Variants in XRCC4 observed in about 807,000 individuals in gnomAD.
XRCC4 encodes the protein DNA repair protein XRCC4.
A neutral mutation model predicts 39.1 loss-of-function variants in XRCC4; 28 were observed. The ratio of observed to expected loss-of-function variants is 0.72; its 90% confidence interval spans 0.53 to 0.98. XRCC4 has a LOEUF of 0.98. Ranked by LOEUF, XRCC4 falls within the 50% of genes least tolerant of loss-of-function variation. The probability of loss-of-function intolerance (pLI) is 0.00; values close to 1 mark genes in which losing one functional copy is unlikely to be tolerated. For synonymous variants in XRCC4, 123 were observed against 126.4 expected, an observed-to-expected ratio of 0.97 and a Z score of 0.18; for missense variants, 350 against 376.4, an observed-to-expected ratio of 0.93 and a Z score of 0.58.
the XRCC4 span, among the ~76,000 whole-genome samples, chr5:83,367,128 C>T: frequency 6.6e-6 from 1 of 152,144 alleles, no homozygotes; most frequent in African/African-American, 2.4e-5. Context: ...TCTAAATCTA[C>T]ATTACTGATT....
intron 7 of XRCC4, among the ~76,000 whole-genome samples, chr5:83,261,242 T>C (rs1231890950): frequency 6.6e-6 from 1 of 152,026 alleles, no homozygotes; most frequent in Non-Finnish European, 1.5e-5. Context: ...CAATTACTAA[T>C]GGCTAGCCCT....
downstream of XRCC4, among the ~76,000 whole-genome samples, chr5:83,356,074 T>G (rs748642327): frequency 6.8e-6 from 1 of 148,040 alleles, no homozygotes; most frequent in Non-Finnish European, 1.5e-5. Context: ...ATTTGATGGC[T>G]TATATGCAAA....
intron 7 of XRCC4, among the ~76,000 whole-genome samples, chr5:83,299,034 C>G (rs1185126033): frequency 6.6e-6 from 1 of 151,336 alleles, no homozygotes; most frequent in Non-Finnish European, 1.5e-5. Flanking sequence ...TTTTTTTTCT[C>G]CTTGCTTTTT....
chr5:83,165,887 C>CTTTTTTTTTTTTTTTTTTTTTTTT (rs34887034), intron 3 of XRCC4, among the ~76,000 whole-genome samples: 1 of 125,842 alleles, frequency 7.9e-6, no homozygotes, highest in Non-Finnish European at 1.6e-5. Flanking sequence ...TTTTTTCTTT[C>CTTTTTTTTTTTTTTTTTTTTTTTT]TTTTTTTTTT....
At chr5:83,315,487 G>A (rs908661006) in intron 7 of XRCC4, among the ~76,000 whole-genome samples, 9 of 152,206 alleles carry the variant, frequency 5.9e-5, no homozygotes, top group African/African-American at 1.4e-4. Context: ...ATGCCATCTG[G>A]GACTTTCATA....
chr5:83,235,864 A>T lies in XRCC4; in HGVS notation c.746-22666A>T, dbSNP rs141975367. On this transcript the variant is annotated intron_variant, in intron 6 of 7. Transcript: ENST00000396027. ...AAAAACTATTAGAACTGATAAATTC[A>T]GGAAAGTTGCAAGATATATAATCAA... is the stretch of plus-strand genomic sequence containing the variant. Among the ~76,000 whole-genome samples the T allele has an allele frequency of 6.7e-3, 1,014 of 152,290 alleles. 29 individuals carry two copies. Among genetic ancestry groups the T allele is most frequent in the Admixed American group, 0.048 (729 of 15,284 alleles).
At chr5:83,167,425 A>G (rs1054377759) in intron 3 of XRCC4, among the ~76,000 whole-genome samples, 1 of 152,128 alleles carries the variant, frequency 6.6e-6, no homozygotes, top group African/African-American at 2.4e-5. Flanking sequence ...GTAATCTTCT[A>G]TCCCATTTCA....
chr5:83,369,958 A>G, the XRCC4 span, among the ~76,000 whole-genome samples: 1 of 152,230 alleles, frequency 6.6e-6, no homozygotes, highest in Non-Finnish European at 1.5e-5. Context: ...CTGGTATGAG[A>G]TGCTATCTCA....
intron 3 of XRCC4, among the ~76,000 whole-genome samples, chr5:83,143,996 C>A (rs993305729): frequency 6.6e-6 from 1 of 151,772 alleles, no homozygotes; most frequent in African/African-American, 2.4e-5. Flanking sequence ...TTTTAATGTA[C>A]CAGTTCCCTA....
intron 1 of XRCC4, among the ~76,000 whole-genome samples, chr5:83,103,151 C>T (rs950135286): frequency 3.3e-5 from 5 of 151,312 alleles, no homozygotes; most frequent in African/African-American, 4.9e-5. Flanking sequence ...TTTAAACATG[C>T]GTGTCTGTGG....
intron 6 of XRCC4, among the ~76,000 whole-genome samples, chr5:83,219,660 A>G (rs1752005495): frequency 6.6e-6 from 1 of 152,194 alleles, no homozygotes. Context: ...CATTGAAGAT[A>G]GAAATGTGGC....
chr5:83,188,778 G>A (rs772427665), intron 3 of XRCC4, among the ~76,000 whole-genome samples: 4 of 152,056 alleles, frequency 2.6e-5, no homozygotes, highest in Admixed American at 1.3e-4. Context: ...CTGTGATTGC[G>A]AATAACCCTT....
At chr5:83,087,072 T>G (rs1015905329) in intron 1 of XRCC4, among the ~76,000 whole-genome samples, 2 of 152,168 alleles carry the variant, frequency 1.3e-5, no homozygotes, top group Non-Finnish European at 1.5e-5. Context: ...ATTCCAGCAC[T>G]TTGGGAGGCC....
chr5:83,292,040 A>C (rs1754940571), intron 7 of XRCC4, among the ~76,000 whole-genome samples: 1 of 151,480 alleles, frequency 6.6e-6, no homozygotes, highest in Non-Finnish European at 1.5e-5. Flanking sequence ...TAAATGAGAT[A>C]TCAAGAAAGG....
At chr5:83,242,880 C>T (rs184386862) in intron 6 of XRCC4, among the ~76,000 whole-genome samples, 1 of 152,260 alleles carries the variant, frequency 6.6e-6, no homozygotes, top group African/African-American at 2.4e-5. Flanking sequence ...TTTTTATCCA[C>T]AGTGAGATTA....
chr5:83,265,794 A>G lies in XRCC4; in HGVS notation c.893+7117A>G, dbSNP rs528503716. ...TGTAAGTGCATGAATTGTAAGTTCT[A>G]CTTTAACATAATTTCAAGATAATAT... On this transcript the variant is annotated intron_variant, in intron 7 of 7. Coordinates refer to ENST00000396027, the MANE Select transcript of XRCC4 (RefSeq NM_003401.5). Among the ~76,000 whole-genome samples, 4 of 152,230 alleles carry G rather than the reference A, an allele frequency of 2.6e-5. No homozygotes were observed. In the East Asian group the frequency reaches 7.7e-4, roughly 29 times the overall value.
intron 3 of XRCC4, among the ~76,000 whole-genome samples, chr5:83,151,221 T>C (rs1748686766): frequency 6.6e-6 from 1 of 152,086 alleles, no homozygotes; most frequent in Non-Finnish European, 1.5e-5. Flanking sequence ...ATCACATAAA[T>C]CATAAATATG....
At chr5:83,244,448 C>A (rs1251403760) in intron 6 of XRCC4, among the ~76,000 whole-genome samples, 1 of 152,172 alleles carries the variant, frequency 6.6e-6, no homozygotes, top group Non-Finnish European at 1.5e-5. Flanking sequence ...ACATCTCTTA[C>A]TATATGTGAC....
chr5:83,112,041 T>G (rs1341139788), intron 3 of XRCC4, among the ~76,000 whole-genome samples: 1 of 152,200 alleles, frequency 6.6e-6, no homozygotes, highest in Non-Finnish European at 1.5e-5. Flanking sequence ...TTTCATTAAT[T>G]AGATAAACAT....
Sources: allele counts gnomAD v4.1 joint callset (sites outside exome capture counted in the v4.1 genomes callset), GRCh38; gene constraint gnomAD v4.1.1; transcripts MANE v1.5; gene names NCBI Gene and HGNC (gene_info 2026-07-23, HGNC 2026-07-21).